TMEM132D: variants seen among roughly 807,000 people sequenced by gnomAD.
The protein encoded by TMEM132D is transmembrane protein 132D, also known as mature OL transmembrane protein.
In TMEM132D, 21 loss-of-function variants were observed where a neutral mutation model predicts 62.3. The ratio of observed to expected loss-of-function variants is 0.34; its 90% CI spans 0.24 to 0.49. TMEM132D has a LOEUF of 0.49. Ranked by LOEUF, TMEM132D falls within the 20% of genes least tolerant of loss-of-function variation. TMEM132D has a pLI of 0.99. For missense variants in TMEM132D, 1,346 were observed against 1,402.8 expected (o/e 0.96, Z 0.65); for synonymous variants, 621 against 575.6 (o/e 1.08, Z -1.13).
chr12:129,715,365 G>A (rs533530633), intron 1 of TMEM132D, among the ~76,000 whole-genome samples: 2 of 152,314 alleles, frequency 1.3e-5, no homozygotes, highest in South Asian at 2.1e-4. Flanking sequence ...AAAAAGGTCA[G>A]AGGTGCCTTA....
intron 3 of TMEM132D, among the ~76,000 whole-genome samples, chr12:129,366,505 C>T (rs557980002): frequency 3.5e-4 from 53 of 152,326 alleles, no homozygotes; most frequent in African/African-American, 1.2e-3. Flanking sequence ...GCTGAGCAGA[C>T]TCCAGCGTTG....
chr12:129,505,527 G>A (rs527458043), intron 3 of TMEM132D, among the ~76,000 whole-genome samples: 20 of 152,308 alleles, frequency 1.3e-4, no homozygotes, highest in Middle Eastern at 6.8e-3. Flanking sequence ...ACAGGCATGA[G>A]CCACCACGCC....
In TMEM132D at chr12:129,073,801, G is replaced by A. The variant is rs905525757; in HGVS notation, c.*74C>T. On this transcript the variant is annotated 3_prime_UTR_variant, in exon 9 of 9. Transcript: ENST00000422113. ...GTCCTGCTGCTTTGTTTCTCTTCCG[G>A]GGGCACCGTTGCTACACATCCTGGA... 9 of 1,310,130 alleles carry A rather than the reference G, an allele frequency of 6.9e-6. No individual in the cohort carries two copies. The African/African-American group carries it at 1.3e-4, about 19-fold the overall frequency. 81.2% of individuals were successfully genotyped at this position (1,310,130 alleles called of 1,614,324 possible). A position where few individuals can be genotyped will look rare whatever the true frequency, so the allele number is the denominator to read the frequency against.
intron 1 of TMEM132D, among the ~76,000 whole-genome samples, chr12:129,818,307 G>T (rs1872429081): frequency 6.8e-6 from 1 of 147,906 alleles, no homozygotes; most frequent in South Asian, 2.2e-4. Flanking sequence ...TGTGATGTGT[G>T]TGTGTCTATG....
intron 3 of TMEM132D, among the ~76,000 whole-genome samples, chr12:129,523,121 C>T (rs1012735995): frequency 6.6e-6 from 1 of 152,158 alleles, no homozygotes; most frequent in Non-Finnish European, 1.5e-5. Flanking sequence ...TGCACACACA[C>T]ACACACAGAC....
chr12:129,696,944 A>G (rs1449858741), intron 2 of TMEM132D, among the ~76,000 whole-genome samples: 2 of 152,194 alleles, frequency 1.3e-5, no homozygotes, highest in East Asian at 1.9e-4. Context: ...TAAGATGACA[A>G]AAAGCCCCAC....
chr12:129,430,147 T>G (rs1258991369), intron 3 of TMEM132D, among the ~76,000 whole-genome samples: 1 of 152,150 alleles, frequency 6.6e-6, no homozygotes, highest in South Asian at 2.1e-4. Flanking sequence ...AGATCCCTGA[T>G]GAATCACCAC....
intron 1 of TMEM132D, among the ~76,000 whole-genome samples, chr12:129,878,873 G>C (rs1874511905): frequency 6.6e-6 from 1 of 152,120 alleles, no homozygotes; most frequent in African/African-American, 2.4e-5. Context: ...CCGGCCTACA[G>C]ATTGCTTCTT....
At chr12:129,358,116 T>A (rs1208079804) in intron 3 of TMEM132D, among the ~76,000 whole-genome samples, 1 of 152,218 alleles carries the variant, frequency 6.6e-6, no homozygotes, top group East Asian at 1.9e-4. Flanking sequence ...TTGTGTCCTC[T>A]ATTTCTATCT....
intron 4 of TMEM132D, among the ~76,000 whole-genome samples, chr12:129,292,822 T>C (rs931722085): frequency 2.0e-5 from 3 of 152,214 alleles, no homozygotes; most frequent in Admixed American, 6.5e-5. Flanking sequence ...GACCTTTTCT[T>C]GGCTTTCGAT....
chr12:129,547,735 T>G (rs1247358821), intron 2 of TMEM132D, among the ~76,000 whole-genome samples: 2 of 152,204 alleles, frequency 1.3e-5, no homozygotes, highest in African/African-American at 4.8e-5. Context: ...TAGTGTGCTG[T>G]TGGAGTGAAA....
intron 4 of TMEM132D, among the ~76,000 whole-genome samples, chr12:129,300,569 T>C (rs914623783): frequency 1.3e-5 from 2 of 152,182 alleles, no homozygotes; most frequent in Non-Finnish European, 2.9e-5. Context: ...AAACGGTGTG[T>C]TGGAAAGACT....
At chr12:129,272,321 T>C (rs374726971) in intron 4 of TMEM132D, among the ~76,000 whole-genome samples, 3 of 151,774 alleles carry the variant, frequency 2.0e-5, no homozygotes, top group Non-Finnish European at 2.9e-5. Flanking sequence ...TGAGAATTAC[T>C]CCTCCAGCAA....
chr12:129,799,682 G>A (rs956693308), intron 1 of TMEM132D, among the ~76,000 whole-genome samples: 7 of 152,206 alleles, frequency 4.6e-5, no homozygotes, highest in East Asian at 3.9e-4. Context: ...CCTGGTCCTC[G>A]TTAGTACCTG....
At chr12:129,405,564 C>T (rs1458844780) in intron 3 of TMEM132D, among the ~76,000 whole-genome samples, 1 of 152,080 alleles carries the variant, frequency 6.6e-6, no homozygotes, top group Non-Finnish European at 1.5e-5. Context: ...TGAGTGGCCC[C>T]ACTGCAGGTG....
chr12:129,386,979 ACACTAT>A (rs1465854151), intron 3 of TMEM132D, among the ~76,000 whole-genome samples: 3 of 152,124 alleles, frequency 2.0e-5, no homozygotes, highest in Non-Finnish European at 4.4e-5. Flanking sequence ...ACCAATGCTA[ACACTAT>A]CACTAACACC....
intron 1 of TMEM132D, among the ~76,000 whole-genome samples, chr12:129,842,090 C>T (rs1368618271): frequency 1.4e-3 from 206 of 143,870 alleles, no homozygotes; most frequent in African/African-American, 5.1e-3. Flanking sequence ...ACCACCACGC[C>T]CGGCTAATTT....
rs869172595 is a variant in TMEM132D at position 129,877,628 on chromosome 12, C to CACACACAGAGAGAG, written c.79+25632_79+25633insCTCTCTCTGTGTGT. Reference sequence around the variant, plus strand: ...GCGCGCGCGCGCACACACACACACACAGAGAGAGAGAGAGAGAGAGAGAGA... The same window carrying CACACACAGAGAGAG: ...GCGCGCGCGCGCACACACACACACACACACACAGAGAGAGAGAGAGAGAGAGAGAGAGAGAGAGA... On this transcript the variant is annotated intron_variant, in intron 1 of 8. Coordinates refer to ENST00000422113, the MANE Select transcript of TMEM132D (RefSeq NM_133448.3). 1.9e-3 allele frequency among the ~76,000 whole-genome samples: 285 copies of CACACACAGAGAGAG among 146,940 alleles called. 3 individuals are homozygous for CACACACAGAGAGAG. The highest frequency in any genetic ancestry group is 7.1e-3 in the African/African-American group (273 of 38,530).
At chr12:129,208,242 G>A (rs2135565540) in intron 5 of TMEM132D, among the ~76,000 whole-genome samples, 1 of 152,306 alleles carries the variant, frequency 6.6e-6, no homozygotes. Flanking sequence ...ATCCTTGGAA[G>A]GCACTGCCAA....
Sources: allele counts gnomAD v4.1 joint callset (sites outside exome capture counted in the v4.1 genomes callset), GRCh38; gene constraint gnomAD v4.1.1; transcripts MANE v1.5; gene names NCBI Gene and HGNC (gene_info 2026-07-23, HGNC 2026-07-21).